APBB2: variants seen among roughly 807,000 people sequenced by gnomAD.
APBB2 encodes Fe65-like 1.
APBB2 carries 38 observed loss-of-function variants against 82.5 expected under a neutral mutation model. The observed-to-expected ratio is 0.46, with a 90% CI of 0.36 to 0.60. The LOEUF is 0.60. Among genes scored for constraint, APBB2 ranks in the 20% least tolerant of loss-of-function variants. APBB2 has a pLI of 0.00. For synonymous variants in APBB2, 341 were observed against 368.2 expected (o/e 0.93, Z 0.85); for missense variants, 772 against 972.3 (o/e 0.79, Z 2.74).
intron 14 of APBB2, 118 bp downstream of exon 14, chr4:40,827,014 A>T: frequency 1.1e-6 from 1 of 878,606 alleles, no homozygotes; most frequent in Non-Finnish European, 1.8e-6. Context: ...ACTTGTGCTT[A>T]CTGAGTTGAG....
chr4:40,908,811 G>C (rs114049223), intron 10 of APBB2, among the ~76,000 whole-genome samples: 3,397 of 152,282 alleles, frequency 0.022, 132 homozygotes, highest in African/African-American at 0.077. Flanking sequence ...GCCACTGCAG[G>C]AACCAAAAGC....
chr4:41,028,011 T>C (rs1055312144), intron 5 of APBB2, among the ~76,000 whole-genome samples: 1 of 152,266 alleles, frequency 6.6e-6, no homozygotes, highest in Admixed American at 6.5e-5. Context: ...ATATTACTGC[T>C]GTCATTGCTC....
chr4:41,131,496 T>G (rs1266428810), intron 2 of APBB2, among the ~76,000 whole-genome samples: 2 of 152,188 alleles, frequency 1.3e-5, no homozygotes, highest in African/African-American at 2.4e-5. Flanking sequence ...TTTTAGAAAC[T>G]GTCCCCTTAA....
At chr4:40,915,520 T>C (rs1163761522) in intron 10 of APBB2, among the ~76,000 whole-genome samples, 1 of 152,182 alleles carries the variant, frequency 6.6e-6, no homozygotes. Context: ...TCAGTAAAAG[T>C]TACTGATAAC....
intron 4 of APBB2, among the ~76,000 whole-genome samples, chr4:41,046,100 C>T (rs1337280942): frequency 6.6e-6 from 1 of 152,136 alleles, no homozygotes; most frequent in African/African-American, 2.4e-5. Context: ...AGTGCCCTCT[C>T]CCTCACATAC....
Position 40,826,874 on chromosome 4 carries a change from C to T in APBB2, c.1732+258G>A, listed in dbSNP as rs186660448. 2,724 of 372,892 alleles carry T rather than the reference C, an allele frequency of 7.3e-3. 23 individuals carry two copies. Among genetic ancestry groups the T allele is most frequent in the Non-Finnish European group, 0.01 (2,146 of 206,744 alleles). 23.1% of individuals were successfully genotyped at this position (372,892 alleles called of 1,614,324 possible). A position where few individuals can be genotyped will look rare whatever the true frequency, so the allele number is the denominator to read the frequency against. On this transcript the variant is annotated intron_variant, in intron 14 of 17. Transcript: ENST00000508593. This position sits in a 1 kb window ranked among gnomAD's most constrained non-coding sequence, Gnocchi z 4.5. ...CATAAAATACAAAACAAAATGAAAA[C>T]GAAGGCAAAAACTAAAGACAATATT... is the stretch of plus-strand genomic sequence containing the variant.
intron 10 of APBB2, among the ~76,000 whole-genome samples, chr4:40,918,785 G>GTT (rs1414488783): frequency 2.0e-5 from 1 of 50,256 alleles, no homozygotes; most frequent in African/African-American, 7.5e-5. Context: ...GTTTGTTTTT[G>GTT]TTTTTTTTAA....
intron 10 of APBB2, among the ~76,000 whole-genome samples, chr4:40,907,375 ATATATTTTTTTTT>A (rs1160059283): frequency 9.2e-5 from 3 of 32,514 alleles, no homozygotes; most frequent in African/African-American, 4.9e-4. Flanking sequence ...ATATATATAT[ATATATTTTTTTTT>A]TTTTTTTTTT....
In APBB2 at chr4:40,811,490, TGTG is replaced by T. The variant is rs1406820725; in HGVS notation, c.*4599_*4601del. ...TTGCTTGAACTTGGGAGGTGGAGGT[TGTG>T]GTGAGCTGAAATTACACCACTGCAC... On this transcript the variant is annotated 3_prime_UTR_variant, in exon 18 of 18. Coordinates refer to ENST00000508593, the MANE Select transcript of APBB2 (RefSeq NM_004307.2). 6.8e-6 allele frequency: 1 copy of T among 146,520 alleles called. No individual in the cohort carries two copies. Among genetic ancestry groups the T allele is most frequent in the African/African-American group, 2.6e-5 (1 of 39,114 alleles). 9.1% of individuals were successfully genotyped at this position (146,520 alleles called of 1,614,324 possible). A position where few individuals can be genotyped will look rare whatever the true frequency, so the allele number is the denominator to read the frequency against.
chr4:41,164,233 G>A (rs1355062103), intron 1 of APBB2, among the ~76,000 whole-genome samples: 1 of 152,188 alleles, frequency 6.6e-6, no homozygotes, highest in Non-Finnish European at 1.5e-5. Flanking sequence ...CCCGTCACAT[G>A]AGGTCAGGTG....
chr4:40,866,764 C>A (rs1377078506), intron 12 of APBB2, among the ~76,000 whole-genome samples: 1 of 152,112 alleles, frequency 6.6e-6, no homozygotes, highest in Non-Finnish European at 1.5e-5. Flanking sequence ...GTCACCCAGG[C>A]TGGAGTGCAG....
At chr4:41,202,909 C>A (rs1262335151) in intron 1 of APBB2, among the ~76,000 whole-genome samples, 1 of 152,138 alleles carries the variant, frequency 6.6e-6, no homozygotes, top group Non-Finnish European at 1.5e-5. Context: ...GTATAAAAAT[C>A]ATTTAAATGT....
chr4:41,189,077 G>C lies in APBB2; in HGVS notation c.-417+25328C>G, dbSNP rs368898916. On this transcript the variant is annotated intron_variant, in intron 1 of 17. Transcript: ENST00000508593. Reference sequence around the variant, plus strand: ...AAATGCCTGGTAAGTGTCTACCAAAGGCAAATACAAGAATATTCATAGCAT... The same window carrying C: ...AAATGCCTGGTAAGTGTCTACCAAACGCAAATACAAGAATATTCATAGCAT... Among the ~76,000 whole-genome samples the C allele has an allele frequency of 2.9e-4, 44 of 152,208 alleles. No individual in the cohort carries two copies. In the East Asian group the frequency reaches 8.3e-3, roughly 29 times the overall value.
intron 6 of APBB2, among the ~76,000 whole-genome samples, chr4:40,989,314 A>G (rs1023338866): frequency 2.6e-5 from 4 of 152,182 alleles, no homozygotes; most frequent in African/African-American, 9.7e-5. Flanking sequence ...TAGATTGAAC[A>G]TGAGAAATGG....
At chr4:41,036,700 A>C (rs1579442006) in intron 4 of APBB2, among the ~76,000 whole-genome samples, 1 of 152,322 alleles carries the variant, frequency 6.6e-6, no homozygotes, top group East Asian at 1.9e-4. Flanking sequence ...GTCAAATTTA[A>C]GGTGCAATTT....
intron 10 of APBB2, among the ~76,000 whole-genome samples, chr4:40,895,489 G>A (rs1253672028): frequency 2.6e-5 from 4 of 152,256 alleles, no homozygotes; most frequent in Non-Finnish European, 5.9e-5. Context: ...AGCTAGCCAG[G>A]TCTTGCCTGG....
chr4:40,906,789 C>A (rs1044601609), intron 10 of APBB2, among the ~76,000 whole-genome samples: 1 of 152,150 alleles, frequency 6.6e-6, no homozygotes, highest in African/African-American at 2.4e-5. Context: ...TTCCCTTAGG[C>A]CACATGGTCT....
At position 40,926,507 on chromosome 4, in the gene APBB2, G is replaced by A. The variant is rs1008290767; in HGVS notation, c.1254+7949C>T. Among the ~76,000 whole-genome samples, 38 of 151,874 alleles carry A rather than the reference G, an allele frequency of 2.5e-4. 1 individual carries two copies. Among genetic ancestry groups the A allele is most frequent in the African/African-American group, 6.3e-4 (26 of 41,410 alleles). ...GTTGCCCAGGCTGGCATGCGGTGGC[G>A]CGATCTTGGTTCACTGCAACCTCTG... On this transcript the variant is annotated intron_variant, in intron 10 of 17. Transcript: ENST00000508593.
At chr4:40,943,443 G>A (rs1299686744) in intron 7 of APBB2, among the ~76,000 whole-genome samples, 4 of 152,226 alleles carry the variant, frequency 2.6e-5, no homozygotes, top group Non-Finnish European at 4.4e-5. Flanking sequence ...GGGAGAGCAC[G>A]TCTGTGCCTT....
Sources: allele counts gnomAD v4.1 joint callset (sites outside exome capture counted in the v4.1 genomes callset), GRCh38; gene constraint gnomAD v4.1.1; non-coding constraint Gnocchi (gnomAD v3.1); transcripts MANE v1.5; gene names NCBI Gene and HGNC (gene_info 2026-07-23, HGNC 2026-07-21).